The following MAF variants were observed in gnomAD, a reference collection of about 807,000 sequenced individuals.
MAF encodes the protein MAF bZIP transcription factor.
Under a neutral mutation model 22.0 loss-of-function variants are expected in MAF, and 10 were observed. That is an observed-to-expected ratio of 0.45 (90% CI 0.28 to 0.77). MAF has a LOEUF of 0.77. Ranked by LOEUF, MAF falls within the 30% of genes least tolerant of loss-of-function variation. The pLI is 0.12. For missense variants in MAF, 544 were observed against 548.4 expected, an observed-to-expected ratio of 0.99 and a Z score of 0.08; for synonymous variants, 337 against 255.8, an observed-to-expected ratio of 1.32 and a Z score of -3.03.
the MAF span, among the ~76,000 whole-genome samples, chr16:79,231,844 A>G: frequency 3.2e-3 from 480 of 152,140 alleles, 6 homozygotes; most frequent in Non-Finnish European, 4.1e-3. Context: ...AAATAATTAT[A>G]CAACTCACTA....
the MAF span, among the ~76,000 whole-genome samples, chr16:79,503,019 A>C: frequency 6.6e-6 from 1 of 152,026 alleles, no homozygotes; most frequent in Non-Finnish European, 1.5e-5. Flanking sequence ...GTATGTAAAA[A>C]TCAGTAAACT....
the MAF span, among the ~76,000 whole-genome samples, chr16:79,218,759 A>G: frequency 6.6e-6 from 1 of 152,220 alleles, no homozygotes; most frequent in African/African-American, 2.4e-5. Context: ...ATTCAAAGTG[A>G]GTCTACATTC....
the MAF span, among the ~76,000 whole-genome samples, chr16:79,230,475 A>G: frequency 6.6e-6 from 1 of 152,190 alleles, no homozygotes; most frequent in Non-Finnish European, 1.5e-5. Flanking sequence ...GTCTTGAGCA[A>G]ATTAGGTAAG....
the MAF span, among the ~76,000 whole-genome samples, chr16:79,514,454 A>G: frequency 5.3e-5 from 8 of 152,258 alleles, no homozygotes; most frequent in Non-Finnish European, 1.2e-4. Flanking sequence ...GTATATATAC[A>G]TGATTCCAAA....
chr16:79,551,141 C>T, the MAF span, among the ~76,000 whole-genome samples: 6 of 152,272 alleles, frequency 3.9e-5, no homozygotes, highest in South Asian at 1.0e-3. Context: ...TAAGACTACA[C>T]CTCTGCCATT....
the MAF span, among the ~76,000 whole-genome samples, chr16:79,510,469 T>C: frequency 2.0e-4 from 31 of 152,310 alleles, no homozygotes; most frequent in Admixed American, 1.8e-3. Context: ...TCTTTCGAGA[T>C]GTTCTGGGAT....
At chr16:79,373,133 A>G in the MAF span, among the ~76,000 whole-genome samples, 1 of 152,154 alleles carries the variant, frequency 6.6e-6, no homozygotes, top group South Asian at 2.1e-4. Flanking sequence ...GGGAGGGTTT[A>G]CATCTCTTTT....
the MAF span, among the ~76,000 whole-genome samples, chr16:79,269,093 T>C: frequency 6.6e-6 from 1 of 152,224 alleles, no homozygotes. Context: ...CTTGTAACCC[T>C]GGGACCTGTC....
At chr16:79,349,301 G>T in the MAF span, among the ~76,000 whole-genome samples, 3 of 152,158 alleles carry the variant, frequency 2.0e-5, no homozygotes, top group Admixed American at 1.3e-4. Context: ...GGGACTTGAG[G>T]TTGTCCTCCT....
At chr16:79,471,660 C>T in the MAF span, among the ~76,000 whole-genome samples, 10 of 152,098 alleles carry the variant, frequency 6.6e-5, no homozygotes, top group Non-Finnish European at 1.2e-4. Context: ...CTGGGCATCA[C>T]GGCAAGGCAC....
At chr16:79,499,994 C>A in the MAF span, among the ~76,000 whole-genome samples, 2 of 152,218 alleles carry the variant, frequency 1.3e-5, no homozygotes, top group South Asian at 4.2e-4. Flanking sequence ...AGGGCAGACA[C>A]ATAGAGAGGT....
chr16:79,549,386 C>T, the MAF span, among the ~76,000 whole-genome samples: 181 of 152,310 alleles, frequency 1.2e-3, no homozygotes, highest in African/African-American at 4.0e-3. Context: ...GGATAGAACA[C>T]CCTGCAGCAC....
chr16:79,363,401 T>A, the MAF span, among the ~76,000 whole-genome samples: 1 of 152,208 alleles, frequency 6.6e-6, no homozygotes, highest in Non-Finnish European at 1.5e-5. Flanking sequence ...TTAAACATGC[T>A]CAGAACACTT....
the MAF span, among the ~76,000 whole-genome samples, chr16:79,227,913 A>G: frequency 1.3e-5 from 2 of 152,068 alleles, no homozygotes; most frequent in Non-Finnish European, 2.9e-5. Flanking sequence ...CCTTTTCAGA[A>G]AAATCTTTGA....
the MAF span, among the ~76,000 whole-genome samples, chr16:79,503,582 T>C: frequency 1.3e-4 from 20 of 152,228 alleles, no homozygotes; most frequent in African/African-American, 3.9e-4. Context: ...GTGGATTTCA[T>C]TGTGGCTGGA....
At chr16:79,239,291 A>C in the MAF span, among the ~76,000 whole-genome samples, 1 of 152,032 alleles carries the variant, frequency 6.6e-6, no homozygotes, top group Admixed American at 6.6e-5. Context: ...GTCACTCTTA[A>C]GTAGTGTCAC....
chr16:79,262,448 C>G, the MAF span, among the ~76,000 whole-genome samples: 1 of 152,092 alleles, frequency 6.6e-6, no homozygotes, highest in African/African-American at 2.4e-5. Context: ...ATGCTCTGGA[C>G]CTGGGGAGAA....
At chr16:79,446,480 T>A in the MAF span, among the ~76,000 whole-genome samples, 1 of 152,256 alleles carries the variant, frequency 6.6e-6, no homozygotes, top group Admixed American at 6.5e-5. Flanking sequence ...GTTTGGGTGA[T>A]AAATTACATA....
the MAF span, among the ~76,000 whole-genome samples, chr16:79,435,296 T>C: frequency 1.3e-5 from 2 of 152,118 alleles, no homozygotes; most frequent in Non-Finnish European, 2.9e-5. Context: ...GCACATACCA[T>C]ATGCACATAT....
Sources: allele counts gnomAD v4.1 joint callset (sites outside exome capture counted in the v4.1 genomes callset), GRCh38; gene constraint gnomAD v4.1.1; transcripts MANE v1.5; gene names NCBI Gene and HGNC (gene_info 2026-07-23, HGNC 2026-07-21).